UBR2: variants seen among roughly 807,000 people sequenced by gnomAD.
UBR2 encodes E3 ubiquitin-protein ligase UBR2.
UBR2 carries 92 observed loss-of-function variants against 247.9 expected under a neutral mutation model. The observed-to-expected ratio is 0.37, with a 90% CI of 0.31 to 0.44. UBR2 has a LOEUF of 0.44. Ranked by LOEUF, UBR2 falls within the 20% of genes least tolerant of loss-of-function variation. The probability of loss-of-function intolerance (pLI) is 1.00; values close to 1 mark genes in which losing one functional copy is unlikely to be tolerated. For missense variants in UBR2, 1,613 were observed against 2,112.6 expected, an observed-to-expected ratio of 0.76 and a Z score of 4.64; for synonymous variants, 672 against 693.5, an observed-to-expected ratio of 0.97 and a Z score of 0.49.
intron 7 of UBR2, 141 bp downstream of exon 7, chr6:42,606,792 G>T: frequency 1.5e-6 from 1 of 653,418 alleles, no homozygotes; most frequent in Non-Finnish European, 2.5e-6. Context: ...CTTAAATATT[G>T]CATTATTGTT....
chr6:42,673,225 A>T (rs926298960), intron 36 of UBR2, among the ~76,000 whole-genome samples: 1 of 152,232 alleles, frequency 6.6e-6, no homozygotes, highest in African/African-American at 2.4e-5. Flanking sequence ...AAGAGTATCC[A>T]CATTTTAGAG....
intron 14 of UBR2, 78 bp from the exon 15 acceptor site, chr6:42,636,933 C>T: frequency 6.8e-7 from 1 of 1,462,130 alleles, no homozygotes; most frequent in African/African-American, 1.4e-5. Context: ...GGTACTTACT[C>T]ACTGAATTTA....
intron 44 of UBR2, among the ~76,000 whole-genome samples, chr6:42,687,110 G>A (rs983248314): frequency 7.2e-5 from 11 of 152,208 alleles, no homozygotes; most frequent in Non-Finnish European, 1.0e-4. Context: ...TGCAATCTCC[G>A]CACTTTGGGA....
chr6:42,586,538 C>CTTTTTTTTTTTTTTT (rs147830824), intron 2 of UBR2, among the ~76,000 whole-genome samples: 16 of 97,254 alleles, frequency 1.6e-4, no homozygotes, highest in East Asian at 2.9e-4. Context: ...GTTTGTCTCT[C>CTTTTTTTTTTTTTTT]TTTTTTTTTT....
intron 2 of UBR2, among the ~76,000 whole-genome samples, chr6:42,589,203 A>T (rs1163099453): frequency 1.3e-5 from 2 of 152,178 alleles, no homozygotes; most frequent in Non-Finnish European, 2.9e-5. Context: ...TCCTGGCTTC[A>T]AGCGATCCTC....
chr6:42,628,245 C>G (rs1404070540), intron 11 of UBR2, among the ~76,000 whole-genome samples: 2 of 151,844 alleles, frequency 1.3e-5, no homozygotes, highest in African/African-American at 4.8e-5. Context: ...GCTACTTCAT[C>G]ATGACTGAAA....
chr6:42,678,644 A>T lies in UBR2; in HGVS notation c.4584A>T (p.Gly1528=). Residue 1528 remains glycine (G), a synonymous_variant, in exon 41 of 47, where the codon GGA becomes GGT. Transcript: ENST00000372901. ...CSALFFHYLN[G]VPSPPDIQVP... is the part of the protein sequence containing the mutation. ...CTTTATTTTTTCATTACTTAAATGGAGTTCCTTCCCCACCCGACATTCAAG... is the reference window on the plus strand; with the variant it reads ...CTTTATTTTTTCATTACTTAAATGGTGTTCCTTCCCCACCCGACATTCAAG... 6.2e-7 allele frequency: 1 copy of T among 1,611,662 alleles called. No individual in the cohort carries two copies. The highest frequency in any genetic ancestry group is 8.5e-7 in the Non-Finnish European group (1 of 1,178,998).
Position 42,611,770 on chromosome 6 carries a change from G to A in UBR2, c.865-401G>A, listed in dbSNP as rs115452489. Among the ~76,000 whole-genome samples, 1,121 of 152,062 alleles carry A rather than the reference G, an allele frequency of 7.4e-3. 23 individuals carry two copies. The highest frequency in any genetic ancestry group is 0.026 in the African/African-American group (1,070 of 41,466). On this transcript the variant is annotated intron_variant, in intron 7 of 46. Coordinates refer to ENST00000372901, the MANE Select transcript of UBR2 (RefSeq NM_001363705.2). The stretch of plus-strand genomic sequence containing the variant: ...AAAATACAACAGTTAGCCAGGCGTC[G>A]TGGCGCATGTCTGTAGTCCCAGCTC...
intron 7 of UBR2, among the ~76,000 whole-genome samples, chr6:42,607,680 GGGAGGACAGGCA>G (rs60244818): frequency 0.21 from 6,527 of 31,272 alleles, 545 homozygotes; most frequent in African/African-American, 0.32. Context: ...ACTCCCAGCT[GGGAGGACAGGCA>G]TGTCCCACCA....
chr6:42,565,818 C>T (rs1790746589), intron 1 of UBR2, among the ~76,000 whole-genome samples: 1 of 151,964 alleles, frequency 6.6e-6, no homozygotes, highest in Non-Finnish European at 1.5e-5. Flanking sequence ...TTTGGGCCTC[C>T]CAAAGTGCTG....
chr6:42,568,893 TC>T (rs1370375372), intron 1 of UBR2, among the ~76,000 whole-genome samples: 1 of 152,204 alleles, frequency 6.6e-6, no homozygotes, highest in Non-Finnish European at 1.5e-5. Flanking sequence ...ATCCAAATGT[TC>T]CAATGAGCAC....
At chr6:42,623,609 G>A (rs560044740) in intron 11 of UBR2, among the ~76,000 whole-genome samples, 103 of 152,134 alleles carry the variant, frequency 6.8e-4, no homozygotes, top group African/African-American at 2.4e-3. Context: ...ACACCACCAC[G>A]CCCAGCTAAT....
intron 4 of UBR2, among the ~76,000 whole-genome samples, chr6:42,599,165 A>G (rs1035343298): frequency 2.0e-5 from 3 of 152,206 alleles, no homozygotes; most frequent in African/African-American, 7.2e-5. Flanking sequence ...TTGTAATCTG[A>G]AATTTCACTC....
intron 30 of UBR2, among the ~76,000 whole-genome samples, chr6:42,660,996 TAA>T (rs11449013): frequency 7.9e-5 from 11 of 139,310 alleles, no homozygotes; most frequent in Admixed American, 4.3e-4. Flanking sequence ...TGTTTGTTTT[TAA>T]AAAAAAAAAA....
At position 42,632,583 on chromosome 6, in the gene UBR2, T is replaced by C; in HGVS notation, c.1313T>C (p.Met438Thr). The C allele has an allele frequency of 6.2e-7, 1 of 1,606,776 alleles. No individual in the cohort carries two copies. Among genetic ancestry groups the C allele is most frequent in the Non-Finnish European group, 8.5e-7 (1 of 1,177,728 alleles). The change falls in exon 12 of 47, where the codon ATG becomes ACG. Residue 438 changes from methionine (M) to threonine (T), a missense_variant. Physicochemically the swap from Met to Thr is moderately conservative, Grantham distance 81. Coordinates refer to ENST00000372901, the MANE Select transcript of UBR2 (RefSeq NM_001363705.2). ...ATGCTCATCACAGAAGAAAACTTAA[T>C]GAGCATTATCATTAAGACTTTTATG... is the stretch of plus-strand genomic sequence containing the variant. ...ARMLITEENLMSIIIKTFMDH... is the reference protein window; with the variant it reads ...ARMLITEENLTSIIIKTFMDH...
chr6:42,672,907 A>T (rs1707183403), intron 36 of UBR2, among the ~76,000 whole-genome samples: 1 of 152,092 alleles, frequency 6.6e-6, no homozygotes, highest in Non-Finnish European at 1.5e-5. Flanking sequence ...ATATAGTAGG[A>T]CCTCAATATT....
rs35416750 is a variant in UBR2 at position 42,658,826 on chromosome 6, T to TAAA, written c.3242+20_3242+22dup. On this transcript the variant is annotated splice_region_variant and intron_variant, in intron 29 of 46. Transcript: ENST00000372901. Reference sequence around the variant, plus strand: ...AACCTCTGCTGTTCTTGATCATAGGTAAAAAAAAAAAAAAAAAAAATTAAT... The same window carrying TAAA: ...AACCTCTGCTGTTCTTGATCATAGGTAAAAAAAAAAAAAAAAAAAAAAATTAAT... 3.2e-4 allele frequency: 418 copies of TAAA among 1,309,088 alleles called. No individual in the cohort carries two copies. Among genetic ancestry groups the TAAA allele is most frequent in the South Asian group, 1.4e-3 (76 of 53,092 alleles). The allele number at this position is 1,309,088 out of a possible 1,614,324, so 81.1% of individuals were successfully genotyped here. A position where few individuals can be genotyped will look rare whatever the true frequency, so the allele number is the denominator to read the frequency against.
At chr6:42,573,297 C>G (rs1791283614) in intron 1 of UBR2, among the ~76,000 whole-genome samples, 2 of 152,132 alleles carry the variant, frequency 1.3e-5, no homozygotes. Flanking sequence ...TTCATGTTCA[C>G]CGTACATATT....
At chr6:42,680,733 C>A (rs899940939) in intron 42 of UBR2, among the ~76,000 whole-genome samples, 5 of 152,110 alleles carry the variant, frequency 3.3e-5, no homozygotes, top group African/African-American at 1.2e-4. Context: ...GTCCACAAAA[C>A]GGGGGAAAAT....
Sources: gnomAD v4.1 joint callset for allele counts (sites outside exome capture counted in the v4.1 genomes callset) on GRCh38, gnomAD v4.1.1 for gene constraint, MANE v1.5 for transcripts, NCBI Gene and HGNC (gene_info 2026-07-23, HGNC 2026-07-21) for gene names.